The following POLE variants were observed in gnomAD, a reference collection of about 807,000 sequenced individuals.
POLE encodes DNA polymerase epsilon catalytic subunit A.
A neutral mutation model predicts 279.2 loss-of-function variants in POLE; 188 were observed. That is an observed-to-expected ratio of 0.67 (90% CI 0.60 to 0.76). The LOEUF is 0.76. Ranked by LOEUF, POLE falls within the 30% of genes least tolerant of loss-of-function variation. The probability of loss-of-function intolerance (pLI) is 0.00; values close to 1 mark genes in which losing one functional copy is unlikely to be tolerated. For missense variants in POLE, 2,703 were observed against 3,016.7 expected, an observed-to-expected ratio of 0.90 and a Z score of 2.44; for synonymous variants, 1,214 against 1,172.5, an observed-to-expected ratio of 1.04 and a Z score of -0.72.
intron 30 of POLE, 48 bp from the exon 31 acceptor site, chr12:132,649,563 A>T: frequency 1.3e-6 from 2 of 1,599,990 alleles, no homozygotes; most frequent in Non-Finnish European, 1.7e-6. Context: ...TGAGATGGGA[A>T]TGCCCGCCAT....
chr12:132,654,398 G>A (rs1040316782), intron 29 of POLE, among the ~76,000 whole-genome samples: 1 of 152,142 alleles, frequency 6.6e-6, no homozygotes, highest in Admixed American at 6.5e-5. Flanking sequence ...GTCAATTTCT[G>A]TAATGGTTAA....
At chr12:132,625,590 C>A in intron 47 of POLE, 55 bp downstream of exon 47, 1 of 1,601,526 alleles carries the variant, frequency 6.2e-7, no homozygotes, top group Non-Finnish European at 8.5e-7. Context: ...CGGGAGTGCA[C>A]AGAAACCCCC....
chr12:132,638,219 A>G (rs961251237), intron 40 of POLE, 80 bp from the exon 41 acceptor site: 10 of 1,403,928 alleles, frequency 7.1e-6, no homozygotes, highest in Non-Finnish European at 9.8e-6. Context: ...TCCAAGAGGG[A>G]AAAGAGCTGA....
intron 29 of POLE, among the ~76,000 whole-genome samples, chr12:132,653,432 GAATT>G (rs2042466323): frequency 6.6e-6 from 1 of 152,176 alleles, no homozygotes; most frequent in Non-Finnish European, 1.5e-5. Context: ...TTGTTACCAT[GAATT>G]TATTCCTTAG....
intron 20 of POLE, 32 bp from the exon 21 acceptor site, chr12:132,665,482 A>G: frequency 3.8e-6 from 6 of 1,580,032 alleles, no homozygotes; most frequent in Non-Finnish European, 5.2e-6. Context: ...AGCACCTCAC[A>G]GATTCTTCCA....
Position 132,641,671 on chromosome 12 carries a change from G to A in POLE, c.5354C>T (p.Thr1785Ile), listed in dbSNP as rs1269441689. ...AASAPASYDE[T>I]ALCSNTFRIL... ...CCTGAAGGTGTTAGAGCACAGGGCT[G>A]TCTCATCGTAGCTGGCCGGGGCACT... The change falls in exon 39 of 49, where the codon ACA becomes ATA. Residue 1785 changes from threonine to isoleucine, a missense_variant. Around this residue, in one of 5 missense-constraint regions of POLE, gnomAD observed 1,551 missense variants for 1,686.1 expected, o/e 0.92. Coordinates refer to ENST00000320574, the MANE Select transcript of POLE (RefSeq NM_006231.4). The A allele has an allele frequency of 1.9e-6, 3 of 1,614,084 alleles. No individual in the cohort carries two copies. The highest frequency in any genetic ancestry group is 2.5e-6 in the Non-Finnish European group (3 of 1,180,004).
Position 132,678,978 on chromosome 12 carries a change from G to T in POLE, c.578+519C>A, listed in dbSNP as rs530292516. On this transcript the variant is annotated intron_variant, in intron 6 of 48. Transcript: ENST00000320574. ...CAGCATCCCAAACTGATCCTCTTTT[G>T]TCAGAGGGTAAGGTAGGTTCTTCCG... 1.6e-3 allele frequency among the ~76,000 whole-genome samples: 251 copies of T among 152,302 alleles called. 1 individual carries two copies. The highest frequency in any genetic ancestry group is 5.9e-3 in the African/African-American group (246 of 41,556).
At chr12:132,650,768 C>T (rs1240494089) in intron 29 of POLE, 1 of 152,120 alleles carries the variant, frequency 6.6e-6, no homozygotes, top group Non-Finnish European at 1.5e-5. Flanking sequence ...TGTCTGCCCC[C>T]ACACACCTTT....
rs2135957070 is a variant in POLE, at chr12:132,664,121, A to G, written c.2589T>C (p.Gly863=). 6.2e-7 allele frequency: 1 copy of G among 1,614,242 alleles called. No homozygotes were observed. The highest frequency in any genetic ancestry group is 8.5e-7 in the Non-Finnish European group (1 of 1,180,048). The change falls in exon 23 of 49, where the codon GGT becomes GGC. Residue 863 remains glycine, a synonymous_variant. Transcript: ENST00000320574. The surrounding 1 kb of genome is among the most constrained non-coding windows in gnomAD (Gnocchi z 5.3). The part of the protein sequence containing the change: ...IGRPLELDTD[G]IWCVLPNSFP... ...AGCTGTTGGGCAGGACGCACCATATACCATCTGTGTCCAGCTCTAAGGGCC... is the reference window on the plus strand; with the variant it reads ...AGCTGTTGGGCAGGACGCACCATATGCCATCTGTGTCCAGCTCTAAGGGCC...
chr12:132,639,396 C>T lies in POLE; in HGVS notation c.5379-98G>A, dbSNP rs922320840. The T allele has an allele frequency of 4.1e-5, 48 of 1,156,858 alleles. No homozygotes were observed. Among genetic ancestry groups the T allele is most frequent in the African/African-American group, 2.4e-4 (16 of 65,828 alleles). 71.7% of individuals were successfully genotyped at this position (1,156,858 alleles called of 1,614,324 possible). A position where few individuals can be genotyped will look rare whatever the true frequency, so the allele number is the denominator to read the frequency against. On this transcript the variant is annotated intron_variant, in intron 39 of 48. Transcript: ENST00000320574. The surrounding 1 kb of genome is among the most constrained non-coding windows in gnomAD (Gnocchi z 4.7). ...GAAATGGGCACAGGTTTTCCCTACACGGCTGGGTCCAAATCCGTCACTGTC... is the reference window on the plus strand; with the variant it reads ...GAAATGGGCACAGGTTTTCCCTACATGGCTGGGTCCAAATCCGTCACTGTC...
chr12:132,648,819 A>C (rs2042346059), intron 32 of POLE, 110 bp downstream of exon 32: 1 of 1,183,576 alleles, frequency 8.4e-7, no homozygotes, highest in Non-Finnish European at 1.2e-6. Flanking sequence ...AATTCCTAGA[A>C]CATCCCCATA....
intron 25 of POLE, chr12:132,660,114 A>G (rs1289796449): frequency 6.4e-6 from 1 of 156,114 alleles, no homozygotes; most frequent in Non-Finnish European, 1.4e-5. Context: ...AAGGAAGAGA[A>G]AGAAGGGGCA....
At chr12:132,683,756 A>G (rs2043215182) in intron 1 of POLE, among the ~76,000 whole-genome samples, 2 of 152,240 alleles carry the variant, frequency 1.3e-5, no homozygotes. Context: ...CCTTGCCTCA[A>G]GTAAGTTGGA....
intron 14 of POLE, 39 bp from the exon 15 acceptor site, chr12:132,672,878 C>A: frequency 6.4e-7 from 1 of 1,566,602 alleles, no homozygotes; most frequent in South Asian, 1.1e-5. Context: ...AAAGCAACAC[C>A]AAAGGCCCTG....
intron 29 of POLE, 84 bp downstream of exon 29, chr12:132,657,052 C>T (rs2138655048): frequency 6.9e-7 from 1 of 1,439,668 alleles, no homozygotes; most frequent in Admixed American, 1.8e-5. Flanking sequence ...AGCTTCACTA[C>T]AGCACACACA....
At chr12:132,637,733 A>G (rs1238338476) in intron 41 of POLE, among the ~76,000 whole-genome samples, 3 of 152,176 alleles carry the variant, frequency 2.0e-5, no homozygotes, top group South Asian at 2.1e-4. Flanking sequence ...TCCATGGGGA[A>G]AAAAAGCAAA....
In POLE at chr12:132,680,626, T is replaced by G. The variant is rs756843283; in HGVS notation, c.266A>C (p.Asp89Ala). The G allele has an allele frequency of 5.0e-6, 8 of 1,613,884 alleles. No individual in the cohort carries two copies. In the East Asian group the frequency reaches 1.6e-4, roughly 31 times the overall value. The part of the protein sequence containing the change: ...GSAVDYYFIQ[D>A]DGSRFKVALP... ...GCTTACCTTAAATCTGCTTCCGTCA[T>G]CTTGAATAAAGTAGTAATCCACTGC... Residue 89 changes from aspartate (D) to alanine (A), a missense_variant, in exon 3 of 49, where the codon GAT becomes GCT. By Grantham distance (126) the Asp-to-Ala change is moderately radical. Coordinates refer to ENST00000320574, the MANE Select transcript of POLE (RefSeq NM_006231.4).
rs2041783631 is a variant in POLE, at chr12:132,624,250, G to A, written c.*447C>T. On this transcript the variant is annotated 3_prime_UTR_variant, in exon 49 of 49. Coordinates refer to ENST00000320574, the MANE Select transcript of POLE (RefSeq NM_006231.4). ...ACAGGTGAGACTCCAGCCCCACCAG[G>A]GCCTTGGGAACCCGTCTCGTCTCAG... 2 of 253,606 alleles carry A rather than the reference G, an allele frequency of 7.9e-6. No individual in the cohort carries two copies. Among genetic ancestry groups the A allele is most frequent in the African/African-American group, 2.2e-5 (1 of 45,468 alleles). The allele number at this position is 253,606 out of a possible 1,614,324, so 15.7% of individuals were successfully genotyped here.
intron 16 of POLE, among the ~76,000 whole-genome samples, chr12:132,670,315 G>A (rs2042895398): frequency 6.6e-6 from 1 of 151,886 alleles, no homozygotes; most frequent in South Asian, 2.1e-4. Flanking sequence ...GGCAGAGGTT[G>A]TGGTGAGCCG....
Sources: gnomAD v4.1 joint callset for allele counts (sites outside exome capture counted in the v4.1 genomes callset) on GRCh38, gnomAD v4.1.1 for gene constraint, gnomAD v4.1.1 regional missense constraint, Gnocchi (gnomAD v3.1) non-coding constraint, MANE v1.5 for transcripts, NCBI Gene and HGNC (gene_info 2026-07-23, HGNC 2026-07-21) for gene names.